GRID2IP: variants seen among roughly 807,000 people sequenced by gnomAD.
GRID2IP encodes the protein Grid2 interacting protein, also known as delphilin.
Under a neutral mutation model 114.3 loss-of-function variants are expected in GRID2IP, and 78 were observed. The ratio of observed to expected loss-of-function variants is 0.68; its 90% confidence interval spans 0.57 to 0.82. The LOEUF (loss-of-function observed/expected upper bound fraction) is 0.82, where lower values mean the gene tolerates loss of function less well. Among genes scored for constraint, GRID2IP ranks in the 40% least tolerant of loss-of-function variants. GRID2IP has a pLI of 0.00. For missense variants in GRID2IP, 1,727 were observed against 1,678.5 expected, an observed-to-expected ratio of 1.03 and a Z score of -0.51; for synonymous variants, 809 against 724.0, an observed-to-expected ratio of 1.12 and a Z score of -1.89.
In GRID2IP at chr7:6,516,094, C is replaced by T. The variant is rs2115065360; in HGVS notation, c.1269-1565G>A. ...CCTGGGTGACAGAGCAAGACCCCGT[C>T]TCAAAATAATAATAATAAAAAATAA... is the stretch of plus-strand genomic sequence containing the variant. On this transcript the variant is annotated intron_variant, in intron 7 of 21. Transcript: ENST00000457091. The surrounding 1 kb of genome is among the most constrained non-coding windows in gnomAD (Gnocchi z 4.3). Among the ~76,000 whole-genome samples the T allele has an allele frequency of 6.9e-6, 1 of 145,072 alleles. No individual in the cohort carries two copies. Among genetic ancestry groups the T allele is most frequent in the Admixed American group, 7.3e-5 (1 of 13,612 alleles).
chr7:6,549,426 G>A (rs1275870017), intron 1 of GRID2IP, among the ~76,000 whole-genome samples: 2 of 152,250 alleles, frequency 1.3e-5, no homozygotes, highest in East Asian at 3.9e-4. Flanking sequence ...TCAGGACCAC[G>A]CTAATATTCC....
At position 6,532,931 on chromosome 7, in the gene GRID2IP, G is replaced by T. The variant is rs745619000; in HGVS notation, c.585-6162C>A. ...GCCAGGTGACCCAGGGCAGCATGAGGTGGTCACCCAGTCACTAGGTGATCA... is the reference window on the plus strand; with the variant it reads ...GCCAGGTGACCCAGGGCAGCATGAGTTGGTCACCCAGTCACTAGGTGATCA... On this transcript the variant is annotated intron_variant, in intron 2 of 21. Transcript: ENST00000457091. This position sits in a 1 kb window ranked among gnomAD's most constrained non-coding sequence, Gnocchi z 4.4. Among the ~76,000 whole-genome samples, 1 of 152,220 alleles carries T rather than the reference G, an allele frequency of 6.6e-6. No homozygotes were observed. Among genetic ancestry groups the T allele is most frequent in the Non-Finnish European group, 1.5e-5 (1 of 68,038 alleles).
In GRID2IP at chr7:6,510,364, T is replaced by G. The variant is rs1047502908; in HGVS notation, c.1690A>C (p.Asn564His). The part of the protein sequence containing the change: ...AVYAELESRL[N>H]SSFKGKMGTV... ...CCCATCTTCCCTTTGAAGCTGCTGT[T>G]CAGTCGAGACTCAAGCTCTGCATAG... is the stretch of plus-strand genomic sequence containing the variant. The change falls in exon 11 of 22, where the codon AAC (asparagine) becomes CAC (histidine). Residue 564 changes from asparagine to histidine, a missense_variant. Physicochemically the swap from Asn to His is moderately conservative, Grantham distance 68. Transcript: ENST00000457091. 1 of 1,546,782 alleles carries G rather than the reference T, an allele frequency of 6.5e-7. No individual in the cohort carries two copies. The highest frequency in any genetic ancestry group is 1.4e-5 in the African/African-American group (1 of 72,828).
At chr7:6,511,075 C>A (rs1449652806) in intron 8 of GRID2IP, 36 bp from the exon 9 acceptor site, 27 of 1,366,906 alleles carry the variant, frequency 2.0e-5, no homozygotes, top group Non-Finnish European at 2.4e-5. Flanking sequence ...GCCCTCTTGC[C>A]CTCTCAGCCA....
At chr7:6,513,243 T>C (rs1434651647) in intron 8 of GRID2IP, among the ~76,000 whole-genome samples, 3 of 151,974 alleles carry the variant, frequency 2.0e-5, no homozygotes, top group Admixed American at 2.0e-4. Context: ...TTTTCTTTTT[T>C]TCTTTCCTTT....
At chr7:6,513,486 C>T (rs1248241293) in intron 8 of GRID2IP, among the ~76,000 whole-genome samples, 2 of 151,802 alleles carry the variant, frequency 1.3e-5, no homozygotes, top group Middle Eastern at 3.4e-3. Flanking sequence ...TCCTAAAATG[C>T]TGGGATTATA....
In GRID2IP at chr7:6,507,315, T is replaced by A. The variant is rs1786622924; in HGVS notation, c.2544+670A>T. Among the ~76,000 whole-genome samples the A allele has an allele frequency of 6.6e-6, 1 of 151,684 alleles. No individual in the cohort carries two copies. The highest frequency in any genetic ancestry group is 1.5e-5 in the Non-Finnish European group (1 of 67,976). On this transcript the variant is annotated intron_variant, in intron 13 of 21. Coordinates refer to ENST00000457091, the MANE Select transcript of GRID2IP (RefSeq NM_001145118.2). The surrounding 1 kb of genome is among the most constrained non-coding windows in gnomAD (Gnocchi z 5.3). The stretch of plus-strand genomic sequence containing the variant: ...CCATTGGGGGTTCCATCTGGGAATG[T>A]CTCTTTGACAGGGACATGGACACTG...
In GRID2IP at chr7:6,521,005, C is replaced by T. The variant is rs1779401217; in HGVS notation, c.1085-244G>A. Among the ~76,000 whole-genome samples, 1 of 152,164 alleles carries T rather than the reference C, an allele frequency of 6.6e-6. No individual in the cohort carries two copies. The highest frequency in any genetic ancestry group is 6.5e-5 in the Admixed American group (1 of 15,276). ...GTTTGTTTTGAGACAGAGTCTTGCT[C>T]TGTTGCCCAGGCGGGAGTGCAATGG... On this transcript the variant is annotated intron_variant, in intron 6 of 21. Coordinates refer to ENST00000457091, the MANE Select transcript of GRID2IP (RefSeq NM_001145118.2). This position sits in a 1 kb window ranked among gnomAD's most constrained non-coding sequence, Gnocchi z 4.1.
rs1180273351 is a variant in GRID2IP, at chr7:6,536,502, G to C, written c.584+3216C>G. On this transcript the variant is annotated intron_variant, in intron 2 of 21. Transcript: ENST00000457091. This position sits in a 1 kb window ranked among gnomAD's most constrained non-coding sequence, Gnocchi z 5.3. ...GAAAGGCGGGCATGGGGCTGTCCCGGGGGGCAGGCGGGCTGGCCCGGGAGG... is the reference window on the plus strand; with the variant it reads ...GAAAGGCGGGCATGGGGCTGTCCCGCGGGGCAGGCGGGCTGGCCCGGGAGG... 1.3e-5 allele frequency among the ~76,000 whole-genome samples: 2 copies of C among 148,842 alleles called. No homozygotes were observed. The highest frequency in any genetic ancestry group is 3.1e-5 in the Non-Finnish European group (2 of 65,424).
rs746723723 is a variant in GRID2IP at position 6,526,237 on chromosome 7, C to T, written c.906G>A (p.Glu302=). ...TLRGHGPVWI[E]SVLPGSPADN... ...CCCACCCCTCACCAGGCAGGACAGA[C>T]TCGATCCAGACAGGCCCGTGGCCGC... is the stretch of plus-strand genomic sequence containing the variant. The change falls in exon 4 of 22, where the codon GAG becomes GAA. Residue 302 remains glutamate (E), a synonymous_variant. Coordinates refer to ENST00000457091, the MANE Select transcript of GRID2IP (RefSeq NM_001145118.2). The surrounding 1 kb of genome is among the most constrained non-coding windows in gnomAD (Gnocchi z 7.6). 2 of 1,551,938 alleles carry T rather than the reference C, an allele frequency of 1.3e-6. No individual in the cohort carries two copies. Among genetic ancestry groups the T allele is most frequent in the South Asian group, 2.4e-5 (2 of 84,062 alleles).
chr7:6,535,470 C>G (rs1583351119), intron 2 of GRID2IP, among the ~76,000 whole-genome samples: 2 of 152,346 alleles, frequency 1.3e-5, no homozygotes, highest in Non-Finnish European at 2.9e-5. Flanking sequence ...GGCCACACCT[C>G]TCTGATTTGG....
chr7:6,501,889 C>T lies in GRID2IP; in HGVS notation c.3291G>A (p.Arg1097=), dbSNP rs1259297569. The change falls in exon 20 of 22, where the codon CGG becomes CGA. Residue 1097 remains arginine, a synonymous_variant. Transcript: ENST00000457091. The part of the protein sequence containing the change: ...TVPLAAKVNQ[R]ALTSDLADLH... Reference sequence around the variant, plus strand: ...GGTCAGCCAGGTCACTGGTCAGGGCCCGTTGGTTCACTGTAGGGAAGAGGA... The same window carrying T: ...GGTCAGCCAGGTCACTGGTCAGGGCTCGTTGGTTCACTGTAGGGAAGAGGA... The T allele has an allele frequency of 6.4e-7, 1 of 1,551,518 alleles. No individual in the cohort carries two copies. Among genetic ancestry groups the T allele is most frequent in the South Asian group, 1.2e-5 (1 of 84,056 alleles).
At position 6,510,383 on chromosome 7, in the gene GRID2IP, T is replaced by C. The variant is rs1323306334; in HGVS notation, c.1671A>G (p.Ala557=). 1 of 1,536,024 alleles carries C rather than the reference T, an allele frequency of 6.5e-7. No homozygotes were observed. The highest frequency in any genetic ancestry group is 8.8e-7 in the Non-Finnish European group (1 of 1,138,908). ...TGCTGTTCAGTCGAGACTCAAGCTC[T>C]GCATAGACGGCTGACATCTGGAGGG... The part of the protein sequence containing the change: ...PNPKMMSAVY[A]ELESRLNSSF... Residue 557 remains alanine (A), a synonymous_variant, in exon 11 of 22, where the codon GCA becomes GCG. Coordinates refer to ENST00000457091, the MANE Select transcript of GRID2IP (RefSeq NM_001145118.2).
rs1209965102 is a variant in GRID2IP, at chr7:6,506,681, A to ATTTTTTT, written c.2545-781_2545-775dup. On this transcript the variant is annotated intron_variant, in intron 13 of 21. Coordinates refer to ENST00000457091, the MANE Select transcript of GRID2IP (RefSeq NM_001145118.2). The surrounding 1 kb of genome is among the most constrained non-coding windows in gnomAD (Gnocchi z 5.2). Reference sequence around the variant, plus strand: ...ATTTGTGCCCTTGTCTCACTGAGGTATTTTTTTTTTTTTTTTTTTAGATAG... The same window carrying ATTTTTTT: ...ATTTGTGCCCTTGTCTCACTGAGGTATTTTTTTTTTTTTTTTTTTTTTTTTTAGATAG... Among the ~76,000 whole-genome samples, 1 of 133,990 alleles carries ATTTTTTT rather than the reference A, an allele frequency of 7.5e-6. No individual in the cohort carries two copies. Among genetic ancestry groups the ATTTTTTT allele is most frequent in the African/African-American group, 2.6e-5 (1 of 38,542 alleles). 87.9% of individuals were successfully genotyped at this position (133,990 alleles called of 152,430 possible). A position where few individuals can be genotyped will look rare whatever the true frequency, so the allele number is the denominator to read the frequency against.
intron 16 of GRID2IP, 58 bp from the exon 17 acceptor site, chr7:6,503,221 C>G: frequency 7.1e-7 from 1 of 1,412,642 alleles, no homozygotes; most frequent in South Asian, 1.5e-5. Flanking sequence ...CTCTGCCCCA[C>G]CGCAGGCTTT....
Position 6,528,780 on chromosome 7 carries a change from G to GATGTC in GRID2IP, c.585-2012_585-2011insGACAT, listed in dbSNP as rs1347656045. ...AGGCTCTGTCCCCGCAGTGAGCTCCGCTCCAGGTCTCGATGGTCCGGGGGG... is the reference window on the plus strand; with the variant it reads ...AGGCTCTGTCCCCGCAGTGAGCTCCGATGTCCTCCAGGTCTCGATGGTCCGGGGGG... On this transcript the variant is annotated intron_variant, in intron 2 of 21. Coordinates refer to ENST00000457091, the MANE Select transcript of GRID2IP (RefSeq NM_001145118.2). This position sits in a 1 kb window ranked among gnomAD's most constrained non-coding sequence, Gnocchi z 6.0. Among the ~76,000 whole-genome samples, 11 of 152,174 alleles carry GATGTC rather than the reference G, an allele frequency of 7.2e-5. No homozygotes were observed. In the East Asian group the frequency reaches 2.1e-3, roughly 30 times the overall value.
rs752837678 is a variant in GRID2IP, at chr7:6,520,451, C to T, written c.1268+127G>A. 2.7e-6 allele frequency: 3 copies of T among 1,098,276 alleles called. No individual in the cohort carries two copies. The highest frequency in any genetic ancestry group is 3.8e-6 in the Non-Finnish European group (3 of 790,676). 68.0% of individuals were successfully genotyped at this position (1,098,276 alleles called of 1,614,324 possible). The stretch of plus-strand genomic sequence containing the variant: ...CCCTGGGGCCCCTGATACCAGCAGC[C>T]ACCTTCCTGAGCATCCCCCAGGAGA... On this transcript the variant is annotated intron_variant, in intron 7 of 21. Coordinates refer to ENST00000457091, the MANE Select transcript of GRID2IP (RefSeq NM_001145118.2). This position sits in a 1 kb window ranked among gnomAD's most constrained non-coding sequence, Gnocchi z 4.6.
rs1190558238 is a variant in GRID2IP, at chr7:6,539,837, C to T, written c.465G>A (p.Lys155=). 1 of 1,551,424 alleles carries T rather than the reference C, an allele frequency of 6.4e-7. No individual in the cohort carries two copies. The highest frequency in any genetic ancestry group is 2.0e-5 in the Admixed American group (1 of 50,996). The change falls in exon 2 of 22, where the codon AAG becomes AAA. Residue 155 remains lysine (K), a synonymous_variant. Coordinates refer to ENST00000457091, the MANE Select transcript of GRID2IP (RefSeq NM_001145118.2). ...GCTTCAGTGCAGCGAACACCTGCTCCTTGGCAGTTGGCTGGTCCCCCAAGA... is the reference window on the plus strand; with the variant it reads ...GCTTCAGTGCAGCGAACACCTGCTCTTTGGCAGTTGGCTGGTCCCCCAAGA... ...DEILGDQPTA[K]EQVFAALKQF...
intron 4 of GRID2IP, among the ~76,000 whole-genome samples, chr7:6,522,424 C>G (rs1242435999): frequency 6.6e-6 from 1 of 152,132 alleles, no homozygotes; most frequent in Non-Finnish European, 1.5e-5. Flanking sequence ...GCTCCATACA[C>G]TGTTCTTAGC....
Sources: gnomAD v4.1 joint callset for allele counts (sites outside exome capture counted in the v4.1 genomes callset) on GRCh38, gnomAD v4.1.1 for gene constraint, Gnocchi (gnomAD v3.1) non-coding constraint, MANE v1.5 for transcripts, NCBI Gene and HGNC (gene_info 2026-07-23, HGNC 2026-07-21) for gene names.